MYO18B: variants seen among roughly 807,000 people sequenced by gnomAD.
MYO18B encodes unconventional myosin-XVIIIb.
Under a neutral mutation model 273.0 loss-of-function variants are expected in MYO18B, and 204 were observed. That is an observed-to-expected ratio of 0.75 (90% CI 0.67 to 0.84). The LOEUF is 0.84. Among genes scored for constraint, MYO18B ranks in the 40% least tolerant of loss-of-function variants. The probability of loss-of-function intolerance (pLI) is 0.00; values close to 1 mark genes in which losing one functional copy is unlikely to be tolerated. For synonymous variants in MYO18B, 1,330 were observed against 1,305.7 expected (o/e 1.02, Z -0.40); for missense variants, 3,212 against 3,287.6 (o/e 0.98, Z 0.56).
chr22:25,845,045 A>G (rs920386982), intron 18 of MYO18B, among the ~76,000 whole-genome samples: 11 of 152,218 alleles, frequency 7.2e-5, no homozygotes, highest in Non-Finnish European at 1.5e-4. Flanking sequence ...TTTAAGCTAC[A>G]TGACCTGGAC....
intron 39 of MYO18B, among the ~76,000 whole-genome samples, chr22:25,965,255 T>C (rs1323319408): frequency 6.6e-6 from 1 of 152,198 alleles, no homozygotes; most frequent in East Asian, 1.9e-4. Flanking sequence ...GTGTAAAGAA[T>C]GGGAGGCGTA....
chr22:26,044,477 G>T, the MYO18B span, among the ~76,000 whole-genome samples: 1 of 152,086 alleles, frequency 6.6e-6, no homozygotes. Flanking sequence ...TTTATACTTA[G>T]ATCTATGATC....
chr22:25,829,322 A>G (rs1166073593), intron 15 of MYO18B, among the ~76,000 whole-genome samples: 1 of 151,940 alleles, frequency 6.6e-6, no homozygotes, highest in Non-Finnish European at 1.5e-5. Flanking sequence ...CCAGGGGGGG[A>G]ATGCCCTTTG....
chr22:25,860,687 A>G (rs1023470172), intron 21 of MYO18B, among the ~76,000 whole-genome samples: 17 of 152,070 alleles, frequency 1.1e-4, no homozygotes, highest in African/African-American at 3.4e-4. Flanking sequence ...TTGAGAACAT[A>G]TGTTATATGA....
rs1379515000 is a variant in MYO18B at position 25,997,304 on chromosome 22, CCAAAAAAAA to C, written c.6287+4812_6287+4820del. Among the ~76,000 whole-genome samples the C allele has an allele frequency of 8.4e-4, 19 of 22,566 alleles. No individual in the cohort carries two copies. The East Asian group carries it at 0.014, about 17-fold the overall frequency. The allele number at this position is 22,566 out of a possible 152,430, so 14.8% of individuals were successfully genotyped here. A position where few individuals can be genotyped will look rare whatever the true frequency, so the allele number is the denominator to read the frequency against. On this transcript the variant is annotated intron_variant, in intron 40 of 43. Coordinates refer to ENST00000335473, the MANE Select transcript of MYO18B (RefSeq NM_032608.7). ...TGGGCAACAGAGTGAAACTCTGTCG[CCAAAAAAAA>C]AAAAAAAAAAAAAAAAACGAAGGAA...
intron 36 of MYO18B, among the ~76,000 whole-genome samples, chr22:25,949,961 C>T (rs532872168): frequency 1.3e-5 from 2 of 152,250 alleles, no homozygotes; most frequent in East Asian, 1.9e-4. Flanking sequence ...GTCCGTTTTA[C>T]GAATGCAGAG....
intron 40 of MYO18B, among the ~76,000 whole-genome samples, chr22:26,000,681 C>T (rs5752252): frequency 0.32 from 48,154 of 151,150 alleles, 8,139 homozygotes; most frequent in African/African-American, 0.43. Context: ...GTACAATAAA[C>T]GTGAGCTATA....
intron 21 of MYO18B, among the ~76,000 whole-genome samples, chr22:25,858,566 G>A (rs934422597): frequency 2.8e-4 from 43 of 152,152 alleles, no homozygotes; most frequent in African/African-American, 9.9e-4. Context: ...ATGCTTTTCG[G>A]GTACACTCTT....
chr22:25,965,446 G>A (rs1422546299), intron 39 of MYO18B, among the ~76,000 whole-genome samples: 1 of 152,182 alleles, frequency 6.6e-6, no homozygotes. Context: ...GATCGGGGCG[G>A]TGATGTGCTG....
downstream of MYO18B, among the ~76,000 whole-genome samples, chr22:26,031,911 T>C (rs1322674751): frequency 1.3e-5 from 2 of 152,198 alleles, no homozygotes; most frequent in African/African-American, 4.8e-5. Context: ...ACAGGAGGGC[T>C]CTGGGTCACT....
At chr22:25,779,959 G>A in intron 8 of MYO18B, 97 bp from the exon 9 acceptor site, 1 of 1,440,286 alleles carries the variant, frequency 6.9e-7, no homozygotes, top group Non-Finnish European at 9.2e-7. Context: ...ATGGGGACTG[G>A]CCCAAGCAGG....
intron 15 of MYO18B, 61 bp downstream of exon 15, chr22:25,829,029 G>A: frequency 6.5e-7 from 1 of 1,546,660 alleles, no homozygotes; most frequent in Non-Finnish European, 8.8e-7. Flanking sequence ...AGGTCAGATG[G>A]GAAGGGGTGG....
At chr22:25,970,828 CAG>C (rs1252893360) in intron 39 of MYO18B, among the ~76,000 whole-genome samples, 8 of 148,878 alleles carry the variant, frequency 5.4e-5, no homozygotes, top group Middle Eastern at 3.5e-3. Flanking sequence ...CTTAAACACT[CAG>C]GGGGAATCCT....
At position 25,780,167 on chromosome 22, in the gene MYO18B, C is replaced by T. The variant is rs1194959841; in HGVS notation, c.2180C>T (p.Ala727Val). The change falls in exon 9 of 44, where the codon GCT becomes GTT. Residue 727 changes from alanine (A) to valine (V), a missense_variant. Transcript: ENST00000335473. ...ATGGTGATGTCGCTGGACTTCAACG[C>T]TACAGGCCGCATCACAGCTGCTCAG... ...FSMVMSLDFN[A>V]TGRITAAQLQ... 4 of 1,606,534 alleles carry T rather than the reference C, an allele frequency of 2.5e-6. No homozygotes were observed. In the African/African-American group the frequency reaches 5.3e-5, roughly 21 times the overall value.
At chr22:25,876,010 G>T (rs959985600) in intron 23 of MYO18B, among the ~76,000 whole-genome samples, 179 bp from the exon 24 acceptor site, 13 of 113,172 alleles carry the variant, frequency 1.1e-4, no homozygotes, top group Admixed American at 2.4e-4. Flanking sequence ...GCCCGTGTGT[G>T]TGTGTGTGTG....
intron 18 of MYO18B, among the ~76,000 whole-genome samples, chr22:25,845,494 C>T (rs946255705): frequency 6.6e-5 from 10 of 152,082 alleles, no homozygotes; most frequent in African/African-American, 1.2e-4. Flanking sequence ...TCCAGCCTGG[C>T]GACAGAGCAA....
At chr22:25,810,804 C>T (rs534953094) in intron 12 of MYO18B, among the ~76,000 whole-genome samples, 10 of 152,038 alleles carry the variant, frequency 6.6e-5, no homozygotes, top group African/African-American at 2.2e-4. Context: ...TCCTACATAC[C>T]GCTTCTCCCT....
At chr22:25,816,192 C>T (rs2088995762) in intron 12 of MYO18B, among the ~76,000 whole-genome samples, 1 of 152,176 alleles carries the variant, frequency 6.6e-6, no homozygotes, top group Non-Finnish European at 1.5e-5. Context: ...CAGAAAGCCA[C>T]AGCTGCCTGA....
rs148501064 is a variant in MYO18B at position 25,879,696 on chromosome 22, C to T, written c.4314+1648C>T. The stretch of plus-strand genomic sequence containing the variant: ...AAGTCATATGCTGTGCTAGTCCATT[C>T]TTGCACTGCTCTAAAGAAATACCTG... On this transcript the variant is annotated intron_variant, in intron 25 of 43. Transcript: ENST00000335473. Among the ~76,000 whole-genome samples, 361 of 152,316 alleles carry T rather than the reference C, an allele frequency of 2.4e-3. 2 individuals are homozygous for T. In the Middle Eastern group the frequency reaches 0.024, roughly 10 times the overall value.
Sources: allele counts gnomAD v4.1 joint callset (sites outside exome capture counted in the v4.1 genomes callset), GRCh38; gene constraint gnomAD v4.1.1; transcripts MANE v1.5; gene names NCBI Gene and HGNC (gene_info 2026-07-23, HGNC 2026-07-21).